The following HS3ST5 variants were observed in gnomAD, a reference collection of about 807,000 sequenced individuals.
The protein encoded by HS3ST5 is heparan sulfate glucosamine 3-O-sulfotransferase 5.
A neutral mutation model predicts 25.4 loss-of-function variants in HS3ST5; 10 were observed. The observed-to-expected ratio is 0.39, with a 90% CI of 0.24 to 0.67. HS3ST5 has a LOEUF of 0.67. Among genes scored for constraint, HS3ST5 ranks in the 30% least tolerant of loss-of-function variants. The pLI, the probability that HS3ST5 is intolerant of heterozygous loss-of-function variation, is 0.44. For synonymous variants in HS3ST5, 170 were observed against 162.4 expected (o/e 1.05, Z -0.36); for missense variants, 324 against 420.7 (o/e 0.77, Z 2.01).
chr6:114,119,586 G>A (rs943996497), intron 3 of HS3ST5, among the ~76,000 whole-genome samples: 8 of 152,150 alleles, frequency 5.3e-5, no homozygotes, highest in Admixed American at 3.3e-4. Flanking sequence ...TTTTAGAGAA[G>A]CGAATATGAA....
intron 3 of HS3ST5, among the ~76,000 whole-genome samples, chr6:114,142,352 A>G (rs529741085): frequency 6.6e-6 from 1 of 152,330 alleles, no homozygotes; most frequent in South Asian, 2.1e-4. Context: ...AGGAACGAGT[A>G]AAATAAAGTA....
chr6:114,138,589 G>A (rs555077586), intron 3 of HS3ST5, among the ~76,000 whole-genome samples: 5 of 152,198 alleles, frequency 3.3e-5, no homozygotes, highest in South Asian at 2.1e-4. Flanking sequence ...AGCATCTCTC[G>A]GAATGGCTGA....
chr6:114,166,588 T>A (rs1779218261), intron 3 of HS3ST5, among the ~76,000 whole-genome samples: 2 of 152,198 alleles, frequency 1.3e-5, no homozygotes, highest in South Asian at 4.1e-4. Context: ...ATAATGATAC[T>A]GTATCCAACC....
Position 114,171,197 on chromosome 6 carries a change from A to G in HS3ST5, c.-144-2735T>C, listed in dbSNP as rs575508494. On this transcript the variant is annotated intron_variant, in intron 2 of 4. Transcript: ENST00000312719. ...GTTTAAGAAATTAATTTTGGCCTTA[A>G]TACATTTAGGAGAAACCACTGCTTT... is the stretch of plus-strand genomic sequence containing the variant. Among the ~76,000 whole-genome samples the G allele has an allele frequency of 1.6e-4, 25 of 152,344 alleles. No homozygotes were observed. In the East Asian group the frequency reaches 4.0e-3, roughly 25 times the overall value.
intron 3 of HS3ST5, chr6:114,084,594 C>T (rs1050304759): frequency 5.2e-6 from 4 of 772,894 alleles, no homozygotes; most frequent in African/African-American, 5.1e-5. Context: ...CCACATAGTG[C>T]AGAGGAGAAT....
rs926125943 is a variant in HS3ST5, at chr6:114,074,925, C to CT, written c.-32-12049dup. Among the ~76,000 whole-genome samples the CT allele has an allele frequency of 5.9e-5, 9 of 152,110 alleles. No homozygotes were observed. The East Asian group carries it at 1.7e-3, about 29-fold the overall frequency. On this transcript the variant is annotated intron_variant, in intron 3 of 4. Transcript: ENST00000312719. ...TTAGCATTCTTAACATGCTTCAAAA[C>CT]TTTTTTTCTTTTTATTGCCAGAGGC...
At chr6:114,125,278 T>C (rs764276534) in intron 3 of HS3ST5, among the ~76,000 whole-genome samples, 3 of 152,192 alleles carry the variant, frequency 2.0e-5, no homozygotes, top group Admixed American at 6.6e-5. Context: ...TTAAAAACTT[T>C]TATGTTTTTC....
intron 1 of HS3ST5, among the ~76,000 whole-genome samples, chr6:114,286,581 T>C (rs1003854520): frequency 6.6e-6 from 1 of 152,022 alleles, no homozygotes; most frequent in Non-Finnish European, 1.5e-5. Flanking sequence ...ATGTTTATGT[T>C]GTACCACAAA....
At chr6:114,286,340 A>G (rs1774339434) in intron 1 of HS3ST5, among the ~76,000 whole-genome samples, 1 of 151,992 alleles carries the variant, frequency 6.6e-6, no homozygotes, top group Non-Finnish European at 1.5e-5. Context: ...TTGCTAATCA[A>G]TGGGCATAAA....
intron 3 of HS3ST5, among the ~76,000 whole-genome samples, chr6:114,143,249 GT>G (rs1777994389): frequency 6.6e-6 from 1 of 152,188 alleles, no homozygotes; most frequent in Non-Finnish European, 1.5e-5. Flanking sequence ...TGAGACTGTT[GT>G]AAAGGTTAAA....
In HS3ST5 at chr6:114,273,420, C is replaced by G. The variant is rs566201959; in HGVS notation, c.-338-44642G>C. 8.5e-4 allele frequency among the ~76,000 whole-genome samples: 129 copies of G among 151,998 alleles called. 1 individual carries two copies. The highest frequency in any genetic ancestry group is 3.0e-3 in the African/African-American group (123 of 41,460). ...TAATCTGTTGCATCTGAGCCTGGAG[C>G]GCTAGGGTGAGGTCCAGGTGAAAAT... is the stretch of plus-strand genomic sequence containing the variant. On this transcript the variant is annotated intron_variant, in intron 1 of 4. Transcript: ENST00000312719.
chr6:114,275,757 G>A (rs1371785067), intron 1 of HS3ST5, among the ~76,000 whole-genome samples: 2 of 151,948 alleles, frequency 1.3e-5, no homozygotes, highest in Non-Finnish European at 2.9e-5. Context: ...AAATTTAAAT[G>A]TTATATAATA....
chr6:114,101,208 C>T (rs2114821186), intron 3 of HS3ST5, among the ~76,000 whole-genome samples: 1 of 152,188 alleles, frequency 6.6e-6, no homozygotes, highest in Middle Eastern at 3.4e-3. Context: ...TCAAAAGCCA[C>T]AAAAGGGTTA....
chr6:114,096,722 C>T (rs1582596216), intron 3 of HS3ST5, among the ~76,000 whole-genome samples: 1 of 152,086 alleles, frequency 6.6e-6, no homozygotes, highest in East Asian at 1.9e-4. Context: ...CTTTATTCTT[C>T]GTTTGGAAAT....
chr6:114,113,760 C>G (rs72952530), intron 3 of HS3ST5, among the ~76,000 whole-genome samples: 1 of 151,680 alleles, frequency 6.6e-6, no homozygotes, highest in African/African-American at 2.4e-5. Flanking sequence ...ACTACTCTTA[C>G]GCTAGTCTAT....
At chr6:114,182,142 G>T (rs950685836) in intron 2 of HS3ST5, among the ~76,000 whole-genome samples, 2 of 151,988 alleles carry the variant, frequency 1.3e-5, no homozygotes, top group African/African-American at 4.8e-5. Context: ...TGGAAATATT[G>T]TAACAAGTTA....
intron 3 of HS3ST5, among the ~76,000 whole-genome samples, chr6:114,122,108 A>G (rs1156311133): frequency 6.6e-6 from 1 of 152,136 alleles, no homozygotes; most frequent in Non-Finnish European, 1.5e-5. Flanking sequence ...TAATACTTGA[A>G]GGGAAGGTCC....
At chr6:114,193,641 T>G (rs1435689954) in intron 2 of HS3ST5, among the ~76,000 whole-genome samples, 1 of 152,150 alleles carries the variant, frequency 6.6e-6, no homozygotes, top group Non-Finnish European at 1.5e-5. Flanking sequence ...AACTGTAGGG[T>G]TTTTAAGGGT....
chr6:114,265,740 T>G (rs909087497), intron 1 of HS3ST5, among the ~76,000 whole-genome samples: 10 of 152,200 alleles, frequency 6.6e-5, no homozygotes, highest in Non-Finnish European at 1.2e-4. Context: ...ATTTGGCTAC[T>G]TATTCCCTCT....
Sources: gnomAD v4.1 joint callset for allele counts (sites outside exome capture counted in the v4.1 genomes callset) on GRCh38, gnomAD v4.1.1 for gene constraint, MANE v1.5 for transcripts, NCBI Gene and HGNC (gene_info 2026-07-23, HGNC 2026-07-21) for gene names.